Variants in CDH12 observed in about 807,000 individuals in gnomAD.
CDH12 encodes cadherin 12, also known as cadherin-12.
In CDH12, 41 loss-of-function variants were observed where a neutral mutation model predicts 74.1. That is an observed-to-expected ratio of 0.55 (90% confidence interval 0.43 to 0.72). The LOEUF (loss-of-function observed/expected upper bound fraction) is 0.72, where lower values mean the gene tolerates loss of function less well. Ranked by LOEUF, CDH12 falls within the 30% of genes least tolerant of loss-of-function variation. CDH12 has a pLI of 0.00. For synonymous variants in CDH12, 399 were observed against 355.0 expected, an observed-to-expected ratio of 1.12 and a Z score of -1.39; for missense variants, 945 against 977.2, an observed-to-expected ratio of 0.97 and a Z score of 0.44.
At chr5:22,104,729 C>A (rs1316407534) in intron 4 of CDH12, among the ~76,000 whole-genome samples, 1 of 152,124 alleles carries the variant, frequency 6.6e-6, no homozygotes, top group Non-Finnish European at 1.5e-5. Flanking sequence ...TTACTTCAGA[C>A]TTTTTGATCC....
At chr5:22,170,944 C>G (rs372317371) in intron 4 of CDH12, among the ~76,000 whole-genome samples, 2 of 151,824 alleles carry the variant, frequency 1.3e-5, no homozygotes, top group Admixed American at 1.3e-4. Context: ...TGTTAGAATT[C>G]GTGATCATCT....
At chr5:21,901,580 T>C (rs1351283008) in intron 6 of CDH12, among the ~76,000 whole-genome samples, 1 of 152,216 alleles carries the variant, frequency 6.6e-6, no homozygotes, top group Non-Finnish European at 1.5e-5. Flanking sequence ...TCTGATTTCA[T>C]ACCTGCATAA....
intron 1 of CDH12, among the ~76,000 whole-genome samples, chr5:22,650,328 T>A (rs1445577715): frequency 6.6e-6 from 1 of 152,156 alleles, no homozygotes; most frequent in East Asian, 1.9e-4. Context: ...TAGTTTTATT[T>A]TTTGTTTAGT....
chr5:22,396,807 A>G (rs1742480614), intron 3 of CDH12, among the ~76,000 whole-genome samples: 1 of 151,794 alleles, frequency 6.6e-6, no homozygotes, highest in Admixed American at 6.6e-5. Context: ...CAAACTCAAG[A>G]TTTTCTGTTA....
intron 3 of CDH12, among the ~76,000 whole-genome samples, chr5:22,381,273 A>G (rs1741748201): frequency 6.6e-6 from 1 of 152,074 alleles, no homozygotes; most frequent in Non-Finnish European, 1.5e-5. Context: ...CAAAGCTGTA[A>G]TTAGTTAAAA....
chr5:22,103,749 C>G (rs965149841), intron 4 of CDH12, among the ~76,000 whole-genome samples: 1 of 152,172 alleles, frequency 6.6e-6, no homozygotes, highest in African/African-American at 2.4e-5. Context: ...ATAGTACTTT[C>G]ATTTCTCATT....
intron 1 of CDH12, among the ~76,000 whole-genome samples, chr5:22,763,733 T>C (rs1309007484): frequency 6.6e-6 from 1 of 151,972 alleles, no homozygotes; most frequent in African/African-American, 2.4e-5. Flanking sequence ...TGTTTCCAAG[T>C]TTAAATAAAG....
At chr5:22,577,057 C>T (rs1285624051) in intron 1 of CDH12, among the ~76,000 whole-genome samples, 1 of 152,130 alleles carries the variant, frequency 6.6e-6, no homozygotes, top group Non-Finnish European at 1.5e-5. Flanking sequence ...GAACATTTGT[C>T]CATCTTTCTA....
intron 1 of CDH12, among the ~76,000 whole-genome samples, chr5:22,851,376 A>G (rs1737550539): frequency 6.6e-6 from 1 of 152,182 alleles, no homozygotes; most frequent in Admixed American, 6.5e-5. Context: ...AGTTAAGAAC[A>G]CAGCAAGCAG....
rs1426128600 is a variant in CDH12 at position 22,187,646 on chromosome 5, T to C, written c.-187+24852A>G. Among the ~76,000 whole-genome samples, 5 of 137,362 alleles carry C rather than the reference T, an allele frequency of 3.6e-5. 1 individual carries two copies. The highest frequency in any genetic ancestry group is 6.2e-5 in the Non-Finnish European group (4 of 64,482). 90.1% of individuals were successfully genotyped at this position (137,362 alleles called of 152,430 possible). On this transcript the variant is annotated intron_variant, in intron 4 of 14. Transcript: ENST00000382254. The stretch of plus-strand genomic sequence containing the variant: ...ACATAAAAATAAAGAACATCGACCT[T>C]GAAAGAGGAAAAAAAAAAGAAAGAA...
intron 5 of CDH12, among the ~76,000 whole-genome samples, chr5:21,981,406 T>C (rs998992773): frequency 2.0e-5 from 3 of 152,166 alleles, no homozygotes; most frequent in Non-Finnish European, 4.4e-5. Flanking sequence ...TATTATTTTC[T>C]ACCCATTTGT....
chr5:21,795,743 G>A (rs1465439564), intron 10 of CDH12, among the ~76,000 whole-genome samples: 2 of 151,926 alleles, frequency 1.3e-5, no homozygotes, highest in South Asian at 4.1e-4. Context: ...TCACATGATA[G>A]CTGGGCCTCT....
intron 13 of CDH12, among the ~76,000 whole-genome samples, chr5:21,757,670 T>A (rs1352114813): frequency 6.6e-6 from 1 of 152,228 alleles, no homozygotes; most frequent in Non-Finnish European, 1.5e-5. Context: ...GAAAGCACTC[T>A]GCTATAAGTC....
intron 2 of CDH12, among the ~76,000 whole-genome samples, chr5:22,494,889 G>A (rs1747038906): frequency 6.6e-6 from 1 of 152,186 alleles, no homozygotes; most frequent in South Asian, 2.1e-4. Flanking sequence ...TGATACCCCG[G>A]ATACATTCAT....
chr5:22,293,760 A>T (rs1387595872), intron 3 of CDH12, among the ~76,000 whole-genome samples: 1 of 152,216 alleles, frequency 6.6e-6, no homozygotes, highest in African/African-American at 2.4e-5. Flanking sequence ...CAAATACTGC[A>T]TGATATCATT....
At chr5:22,261,508 T>A (rs1235249465) in intron 3 of CDH12, among the ~76,000 whole-genome samples, 1 of 152,008 alleles carries the variant, frequency 6.6e-6, no homozygotes, top group Non-Finnish European at 1.5e-5. Flanking sequence ...AAACTGCTCT[T>A]TGGAGGTTTA....
At chr5:22,338,494 A>C in intron 3 of CDH12, among the ~76,000 whole-genome samples, 1 of 152,148 alleles carries the variant, frequency 6.6e-6, no homozygotes, top group East Asian at 1.9e-4. Context: ...AGAAGAATAA[A>C]TAAGACCTAA....
intron 13 of CDH12, among the ~76,000 whole-genome samples, chr5:21,757,998 C>A (rs915728900): frequency 6.6e-6 from 1 of 152,082 alleles, no homozygotes; most frequent in Non-Finnish European, 1.5e-5. Flanking sequence ...GATATATTTT[C>A]CATGCTACAT....
chr5:22,678,049 G>T (rs867906997), intron 1 of CDH12, among the ~76,000 whole-genome samples: 10 of 151,676 alleles, frequency 6.6e-5, no homozygotes, highest in African/African-American at 1.7e-4. Context: ...CCTCATGGGG[G>T]GGGGGGTTAG....
Sources: allele counts gnomAD v4.1 joint callset (sites outside exome capture counted in the v4.1 genomes callset), GRCh38; gene constraint gnomAD v4.1.1; transcripts MANE v1.5; gene names NCBI Gene and HGNC (gene_info 2026-07-23, HGNC 2026-07-21).